The following EXOC6B variants were observed in gnomAD, a reference collection of about 807,000 sequenced individuals.
EXOC6B encodes SEC15 homolog B.
In EXOC6B, 54 loss-of-function variants were observed where a neutral mutation model predicts 113.5. The ratio of observed to expected loss-of-function variants is 0.48; its 90% CI spans 0.38 to 0.60. The LOEUF is 0.60. Among genes scored for constraint, EXOC6B ranks in the 20% least tolerant of loss-of-function variants. The pLI, the probability that EXOC6B is intolerant of heterozygous loss-of-function variation, is 0.00. For missense variants in EXOC6B, 797 were observed against 977.5 expected, an observed-to-expected ratio of 0.82 and a Z score of 2.46; for synonymous variants, 357 against 339.0, an observed-to-expected ratio of 1.05 and a Z score of -0.58.
intron 18 of EXOC6B, among the ~76,000 whole-genome samples, chr2:72,406,108 G>A (rs1279901284): frequency 6.6e-6 from 1 of 152,136 alleles, no homozygotes; most frequent in Non-Finnish European, 1.5e-5. Flanking sequence ...GACAAAGAAG[G>A]CCATTACAGA....
intron 20 of EXOC6B, among the ~76,000 whole-genome samples, chr2:72,256,351 C>A (rs1007783670): frequency 6.6e-6 from 1 of 152,248 alleles, no homozygotes; most frequent in African/African-American, 2.4e-5. Flanking sequence ...GCAATGAAGA[C>A]ACTATCAAAT....
At chr2:72,557,170 A>G (rs895924785) in intron 8 of EXOC6B, among the ~76,000 whole-genome samples, 1 of 151,678 alleles carries the variant, frequency 6.6e-6, no homozygotes, top group Non-Finnish European at 1.5e-5. Flanking sequence ...TTTCAAGGAT[A>G]TTTACACATC....
chr2:72,720,314 A>T (rs982100834), intron 5 of EXOC6B, among the ~76,000 whole-genome samples: 9 of 152,208 alleles, frequency 5.9e-5, no homozygotes, highest in African/African-American at 2.2e-4. Context: ...TGAATGGACT[A>T]AGCACTCCAA....
intron 6 of EXOC6B, among the ~76,000 whole-genome samples, chr2:72,598,222 A>T (rs995253619): frequency 2.6e-5 from 4 of 152,024 alleles, no homozygotes; most frequent in Admixed American, 1.3e-4. Flanking sequence ...AAATCAAAAG[A>T]AGTACCCACT....
intron 1 of EXOC6B, among the ~76,000 whole-genome samples, chr2:72,752,392 TC>T (rs1295101474): frequency 7.9e-5 from 12 of 152,230 alleles, no homozygotes; most frequent in African/African-American, 2.4e-4. Context: ...ATCAATACTT[TC>T]TTTGGTGGGG....
chr2:72,669,346 A>C (rs12105339), intron 6 of EXOC6B, among the ~76,000 whole-genome samples: 4,276 of 151,596 alleles, frequency 0.028, 200 homozygotes, highest in African/African-American at 0.097. Context: ...AAGATGATTC[A>C]CTTAAAAAAA....
At chr2:72,590,128 A>T (rs1705840033) in intron 6 of EXOC6B, among the ~76,000 whole-genome samples, 1 of 151,984 alleles carries the variant, frequency 6.6e-6, no homozygotes, top group African/African-American at 2.4e-5. Flanking sequence ...TTGTGGATAG[A>T]AGTCACTGGC....
At chr2:72,426,631 GAGTACAAAGCGATCCTCTGTC>G (rs947332303) in intron 18 of EXOC6B, among the ~76,000 whole-genome samples, 6 of 152,162 alleles carry the variant, frequency 3.9e-5, no homozygotes, top group African/African-American at 1.4e-4. Flanking sequence ...GAAAAATAGA[GAGTACAAAGCGATCCTCTGTC>G]AGACCCCACC....
intron 20 of EXOC6B, among the ~76,000 whole-genome samples, chr2:72,189,737 CCCCTT>C (rs1391255277): frequency 1.3e-4 from 19 of 149,694 alleles, no homozygotes; most frequent in African/African-American, 4.2e-4. Context: ...CCCCTCCCCT[CCCCTT>C]CCTTCCTTTC....
chr2:72,342,856 T>C (rs1689111721), intron 19 of EXOC6B, among the ~76,000 whole-genome samples: 1 of 152,150 alleles, frequency 6.6e-6, no homozygotes, highest in South Asian at 2.1e-4. Flanking sequence ...TATGATCCAG[T>C]AATCCCACTT....
chr2:72,290,715 T>A (rs1479386592), intron 20 of EXOC6B, among the ~76,000 whole-genome samples: 23 of 151,962 alleles, frequency 1.5e-4, no homozygotes, highest in Admixed American at 1.5e-3. Context: ...TTTTTAATAT[T>A]CACAATTAAA....
chr2:72,486,915 A>G (rs1699455217), intron 16 of EXOC6B, among the ~76,000 whole-genome samples: 1 of 151,206 alleles, frequency 6.6e-6, no homozygotes, highest in African/African-American at 2.4e-5. Context: ...GCTAGCTATC[A>G]CCCCATTTCT....
chr2:72,353,293 A>G (rs940874446), intron 19 of EXOC6B, among the ~76,000 whole-genome samples: 2 of 142,816 alleles, frequency 1.4e-5, no homozygotes, highest in South Asian at 2.1e-4. Flanking sequence ...AAATGCTTCT[A>G]TGTGTTTTCA....
At chr2:72,515,677 G>T in intron 8 of EXOC6B, 1 of 988,278 alleles carries the variant, frequency 1.0e-6, no homozygotes, top group Non-Finnish European at 1.2e-6. Flanking sequence ...CCCACTTTTC[G>T]TTTAGGGTTT....
chr2:72,802,215 C>T (rs1382167527), intron 1 of EXOC6B, among the ~76,000 whole-genome samples: 2 of 151,814 alleles, frequency 1.3e-5, no homozygotes, highest in African/African-American at 4.8e-5. Flanking sequence ...ATCCCAGCTA[C>T]TCAGGAGGCT....
chr2:72,337,409 T>C (rs1688753815), intron 19 of EXOC6B, among the ~76,000 whole-genome samples: 1 of 152,184 alleles, frequency 6.6e-6, no homozygotes, highest in Non-Finnish European at 1.5e-5. Context: ...ACTATCAAGA[T>C]GTTCTGCCAT....
At chr2:72,277,331 C>T (rs1684861851) in intron 20 of EXOC6B, among the ~76,000 whole-genome samples, 1 of 152,102 alleles carries the variant, frequency 6.6e-6, no homozygotes, top group African/African-American at 2.4e-5. Flanking sequence ...CACCCAGACA[C>T]CTATCAGCTC....
intron 6 of EXOC6B, among the ~76,000 whole-genome samples, chr2:72,644,106 A>C (rs1249847878): frequency 1.3e-5 from 2 of 152,162 alleles, no homozygotes; most frequent in Admixed American, 6.5e-5. Context: ...CCTTAAATGA[A>C]CTGATGGAGC....
intron 6 of EXOC6B, among the ~76,000 whole-genome samples, chr2:72,714,820 G>A (rs964636463): frequency 1.3e-5 from 2 of 152,066 alleles, no homozygotes; most frequent in African/African-American, 4.8e-5. Context: ...AAAGAGAGGA[G>A]AAGAAAAATA....
Sources: gnomAD v4.1 joint callset for allele counts (sites outside exome capture counted in the v4.1 genomes callset) on GRCh38, gnomAD v4.1.1 for gene constraint, MANE v1.5 for transcripts, NCBI Gene and HGNC (gene_info 2026-07-23, HGNC 2026-07-21) for gene names.